The following ZZZ3 variants were observed in gnomAD, a reference collection of about 807,000 sequenced individuals.
ZZZ3 encodes zinc finger ZZ-type containing 3.
Under a neutral mutation model 95.2 loss-of-function variants are expected in ZZZ3, and 22 were observed. The observed-to-expected ratio is 0.23, with a 90% confidence interval of 0.17 to 0.33. The LOEUF is 0.33. Among genes scored for constraint, ZZZ3 ranks in the 10% least tolerant of loss-of-function variants. The pLI, the probability that ZZZ3 is intolerant of heterozygous loss-of-function variation, is 1.00. For synonymous variants in ZZZ3, 335 were observed against 358.9 expected (o/e 0.93, Z 0.75); for missense variants, 885 against 1,066.5 (o/e 0.83, Z 2.37).
At chr1:77,659,078 C>T (rs1341900054) in intron 1 of ZZZ3, among the ~76,000 whole-genome samples, 7 of 151,856 alleles carry the variant, frequency 4.6e-5, no homozygotes, top group Non-Finnish European at 1.0e-4. Context: ...ATTAGCCGGG[C>T]GTAGTGGCAC....
chr1:77,654,788 T>C (rs1413222528), intron 1 of ZZZ3, among the ~76,000 whole-genome samples: 1 of 152,128 alleles, frequency 6.6e-6, no homozygotes, highest in East Asian at 1.9e-4. Flanking sequence ...ATACCAGAAA[T>C]TGGGTAATTT....
intron 5 of ZZZ3, among the ~76,000 whole-genome samples, chr1:77,596,202 T>G (rs1664198619): frequency 6.6e-6 from 1 of 152,122 alleles, no homozygotes; most frequent in South Asian, 2.1e-4. Flanking sequence ...AAAGTTATTC[T>G]AAATCAATGT....
chr1:77,676,021 T>C (rs1035776297), intron 1 of ZZZ3, among the ~76,000 whole-genome samples: 4 of 152,238 alleles, frequency 2.6e-5, no homozygotes, highest in African/African-American at 9.6e-5. Context: ...TCACTAAATA[T>C]CTTAGAGGTA....
At chr1:77,573,556 T>A (rs1426030960) in intron 12 of ZZZ3, among the ~76,000 whole-genome samples, 1 of 152,248 alleles carries the variant, frequency 6.6e-6, no homozygotes, top group East Asian at 1.9e-4. Context: ...CAAAGCCTGA[T>A]AAATAGTAAG....
intron 6 of ZZZ3, 100 bp from the exon 7 acceptor site, chr1:77,582,226 TAATC>T: frequency 9.9e-7 from 1 of 1,011,420 alleles, no homozygotes; most frequent in East Asian, 2.5e-5. Flanking sequence ...CAAATCCAAA[TAATC>T]AATGGGGCAT....
rs373896547 is a variant in ZZZ3 at position 77,565,298 on chromosome 1, C to T, written c.*342G>A. On this transcript the variant is annotated 3_prime_UTR_variant, in exon 15 of 15. Transcript: ENST00000370801. ...TGTTTTAATATAAATACTTTGTCTTCTCATTATCATATTTATGACCAAGTT... is the reference window on the plus strand; with the variant it reads ...TGTTTTAATATAAATACTTTGTCTTTTCATTATCATATTTATGACCAAGTT... The T allele has an allele frequency of 1.1e-5, 2 of 184,062 alleles. No homozygotes were observed. The highest frequency in any genetic ancestry group is 4.7e-5 in the African/African-American group (2 of 42,770). The allele number at this position is 184,062 out of a possible 1,614,324, so 11.4% of individuals were successfully genotyped here.
At chr1:77,610,296 A>G (rs1186126365) in intron 5 of ZZZ3, among the ~76,000 whole-genome samples, 1 of 152,046 alleles carries the variant, frequency 6.6e-6, no homozygotes, top group East Asian at 1.9e-4. Context: ...CAGACCAATA[A>G]CAAGTAACAA....
At chr1:77,671,034 T>TAA (rs530001557) in intron 1 of ZZZ3, among the ~76,000 whole-genome samples, 1 of 143,986 alleles carries the variant, frequency 6.9e-6, no homozygotes, top group African/African-American at 2.5e-5. Flanking sequence ...TTGTTTTTTT[T>TAA]AAAAAAAAAA....
intron 5 of ZZZ3, among the ~76,000 whole-genome samples, chr1:77,604,000 CA>C (rs930755579): frequency 8.2e-5 from 12 of 145,724 alleles, no homozygotes; most frequent in East Asian, 2.0e-4. Flanking sequence ...CCCATCTCTA[CA>C]AAAAAAAAAA....
intron 5 of ZZZ3, among the ~76,000 whole-genome samples, chr1:77,585,925 G>T (rs1219980537): frequency 6.6e-6 from 1 of 152,162 alleles, no homozygotes; most frequent in East Asian, 1.9e-4. Flanking sequence ...ACTAATCCTT[G>T]ATGAAATTTT....
chr1:77,568,334 T>C lies in ZZZ3; in HGVS notation c.2464A>G (p.Lys822Glu), dbSNP rs757877248. The change falls in exon 13 of 15, where the codon AAG (lysine) becomes GAG (glutamate). Residue 822 changes from lysine to glutamate, a missense_variant and splice_region_variant. Around this residue, in one of 5 missense-constraint regions of ZZZ3, gnomAD observed 221 missense variants for 247.8 expected, o/e 0.89. Transcript: ENST00000370801. ...TCCTAAAATTAAATAGAACTTACCT[T>C]AAAGCCCACATGTTGCACAAATCCA... ...ESGFVQHVGFKCDNCGIEPIQ... is the reference protein window; with the variant it reads ...ESGFVQHVGFECDNCGIEPIQ... 1.0e-5 allele frequency: 16 copies of C among 1,578,560 alleles called. No individual in the cohort carries two copies. The highest frequency in any genetic ancestry group is 1.4e-5 in the Non-Finnish European group (16 of 1,168,968).
intron 5 of ZZZ3, among the ~76,000 whole-genome samples, chr1:77,620,020 C>A (rs1222036814): frequency 6.6e-6 from 1 of 152,038 alleles, no homozygotes; most frequent in African/African-American, 2.4e-5. Context: ...AGCTTATGGT[C>A]TCTTGTACAC....
At chr1:77,680,635 A>C (rs768242707) in intron 1 of ZZZ3, among the ~76,000 whole-genome samples, 97 of 152,224 alleles carry the variant, frequency 6.4e-4, no homozygotes, top group Non-Finnish European at 1.2e-3. Context: ...CCGCTTAGCA[A>C]CTTCAAGTAT....
chr1:77,575,770 A>T (rs1394806742), intron 12 of ZZZ3, among the ~76,000 whole-genome samples: 2 of 152,218 alleles, frequency 1.3e-5, no homozygotes, highest in African/African-American at 4.8e-5. Context: ...TATAAACATG[A>T]TAATTATATT....
intron 5 of ZZZ3, among the ~76,000 whole-genome samples, chr1:77,592,445 G>A (rs192266294): frequency 3.3e-5 from 5 of 152,196 alleles, no homozygotes; most frequent in South Asian, 2.1e-4. Context: ...GGGATTACAG[G>A]TGCACACCAC....
Position 77,596,476 on chromosome 1 carries a change from C to A in ZZZ3, c.1506-11821G>T, listed in dbSNP as rs545206693. 3.6e-4 allele frequency among the ~76,000 whole-genome samples: 54 copies of A among 152,036 alleles called. 1 individual carries two copies. In the South Asian group the frequency reaches 0.011, roughly 30 times the overall value. On this transcript the variant is annotated intron_variant, in intron 5 of 14. Transcript: ENST00000370801. Reference sequence around the variant, plus strand: ...ATATAATACCATGCATTTATCAAAACCCATAAACCTTTTAAGCACAAAGAA... The same window carrying A: ...ATATAATACCATGCATTTATCAAAAACCATAAACCTTTTAAGCACAAAGAA...
At chr1:77,628,720 C>T (rs1426415322) in intron 5 of ZZZ3, among the ~76,000 whole-genome samples, 1 of 152,218 alleles carries the variant, frequency 6.6e-6, no homozygotes, top group Admixed American at 6.5e-5. Context: ...TAGAATAACA[C>T]AGAGTTATGT....
At chr1:77,621,591 G>A (rs778471982) in intron 5 of ZZZ3, among the ~76,000 whole-genome samples, 8 of 151,466 alleles carry the variant, frequency 5.3e-5, no homozygotes, top group South Asian at 2.1e-4. Context: ...CAAGGTGGGC[G>A]GATGGCTTGA....
chr1:77,574,691 T>C (rs1009373387), intron 12 of ZZZ3, among the ~76,000 whole-genome samples: 1 of 152,138 alleles, frequency 6.6e-6, no homozygotes, highest in African/African-American at 2.4e-5. Flanking sequence ...TAGAGTCTTA[T>C]CAAAAGAACT....
Sources: allele counts gnomAD v4.1 joint callset (sites outside exome capture counted in the v4.1 genomes callset), GRCh38; gene constraint gnomAD v4.1.1; regional missense constraint gnomAD v4.1.1; transcripts MANE v1.5; gene names NCBI Gene and HGNC (gene_info 2026-07-23, HGNC 2026-07-21).